FOXP1: variants seen among roughly 807,000 people sequenced by gnomAD.
FOXP1 encodes the protein forkhead box protein P1.
In FOXP1, 15 loss-of-function variants were observed where a neutral mutation model predicts 98.2. That is an observed-to-expected ratio of 0.15 (90% CI 0.10 to 0.24). The LOEUF (loss-of-function observed/expected upper bound fraction) is 0.24. FOXP1 is among the 10% of genes least tolerant of loss of function. FOXP1 has a pLI of 1.00. For missense variants in FOXP1, 633 were observed against 848.5 expected (o/e 0.75, Z 3.15); for synonymous variants, 371 against 314.5 (o/e 1.18, Z -1.90).
At chr3:71,542,884 G>A (rs555236179) in intron 2 of FOXP1, among the ~76,000 whole-genome samples, 1 of 152,336 alleles carries the variant, frequency 6.6e-6, no homozygotes, top group African/African-American at 2.4e-5. Context: ...AAGCATGGAG[G>A]CAAGAGTGGA....
chr3:71,092,652 C>A (rs956427774), intron 7 of FOXP1, among the ~76,000 whole-genome samples: 1 of 151,966 alleles, frequency 6.6e-6, no homozygotes, highest in African/African-American at 2.4e-5. Flanking sequence ...TAAGCCTGCA[C>A]AAATAAAAAT....
At chr3:71,323,094 C>A (rs998400591) in intron 4 of FOXP1, among the ~76,000 whole-genome samples, 3 of 152,000 alleles carry the variant, frequency 2.0e-5, no homozygotes, top group African/African-American at 7.3e-5. Context: ...CCTCAGCCTC[C>A]TGAGTAGCTG....
intron 11 of FOXP1, among the ~76,000 whole-genome samples, chr3:71,039,411 G>T (rs2048031606): frequency 1.3e-5 from 2 of 152,078 alleles, no homozygotes; most frequent in South Asian, 4.1e-4. Flanking sequence ...ACATGAAAAG[G>T]GCTATTCTTC....
At chr3:71,035,667 C>G (rs1036377514) in intron 11 of FOXP1, among the ~76,000 whole-genome samples, 11 of 152,030 alleles carry the variant, frequency 7.2e-5, no homozygotes, top group Non-Finnish European at 1.6e-4. Context: ...TGGAATTTGA[C>G]CACAGGTTCT....
At position 70,967,688 on chromosome 3, in the gene FOXP1, T is replaced by G. The variant is rs567561804; in HGVS notation, c.1723-1632A>C. On this transcript the variant is annotated intron_variant, in intron 19 of 20. Coordinates refer to ENST00000649528, the MANE Select transcript of FOXP1 (RefSeq NM_001349338.3). ...CAGTTGCCAGAACTACTATTATTTG[T>G]TTTTTTTTTTTGTTTTTTTTTGTTT... is the stretch of plus-strand genomic sequence containing the variant. 5.0e-4 allele frequency among the ~76,000 whole-genome samples: 27 copies of G among 53,808 alleles called. No homozygotes were observed. In the South Asian group the frequency reaches 9.6e-3, roughly 19 times the overall value. 35.3% of individuals were successfully genotyped at this position (53,808 alleles called of 152,430 possible). A position where few individuals can be genotyped will look rare whatever the true frequency, so the allele number is the denominator to read the frequency against.
At chr3:71,328,988 AAC>A (rs1491011149) in intron 4 of FOXP1, among the ~76,000 whole-genome samples, 3,953 of 42,618 alleles carry the variant, frequency 0.093, 609 homozygotes, top group East Asian at 0.33. Context: ...AAAAAAAAAA[AAC>A]AAAAAAAAAA....
intron 7 of FOXP1, among the ~76,000 whole-genome samples, chr3:71,066,070 C>T (rs1414708077): frequency 8.9e-6 from 1 of 112,270 alleles, no homozygotes; most frequent in African/African-American, 3.5e-5. Context: ...AGTGTGACAT[C>T]AATGAATGCC....
intron 5 of FOXP1, among the ~76,000 whole-genome samples, chr3:71,281,942 C>CAAA (rs34561352): frequency 1.0e-3 from 138 of 137,744 alleles, no homozygotes; most frequent in East Asian, 1.5e-3. Flanking sequence ...ACTAAAAATA[C>CAAA]AAAAAAAAAA....
At chr3:71,542,134 T>C (rs938669330) in intron 2 of FOXP1, 1 of 453,958 alleles carries the variant, frequency 2.2e-6, no homozygotes, top group South Asian at 1.6e-5. Context: ...ATTTACAAAA[T>C]GGCTCAACAA....
rs543947066 is a variant in FOXP1 at position 70,988,216 on chromosome 3, T to C, written c.1063-139A>G. 1.4e-4 allele frequency: 122 copies of C among 842,908 alleles called. No homozygotes were observed. In the African/African-American group the frequency reaches 1.9e-3, roughly 13 times the overall value. 52.2% of individuals were successfully genotyped at this position (842,908 alleles called of 1,614,324 possible). On this transcript the variant is annotated intron_variant, in intron 13 of 20. Transcript: ENST00000649528. ...ATTTTCATTGCTTGTTTTTGAAATC[T>C]ACATGACCATTGCCAAACTCGAAGT...
At chr3:71,065,392 G>A (rs981191430) in intron 7 of FOXP1, among the ~76,000 whole-genome samples, 2 of 152,200 alleles carry the variant, frequency 1.3e-5, no homozygotes, top group Non-Finnish European at 2.9e-5. Context: ...CGACTGCTCC[G>A]AGCAACTGTT....
rs188869620 is a variant in FOXP1, at chr3:71,428,280, T to C, written c.-168+65146A>G. Among the ~76,000 whole-genome samples, 13 of 152,344 alleles carry C rather than the reference T, an allele frequency of 8.5e-5. No individual in the cohort carries two copies. In the South Asian group the frequency reaches 2.5e-3, roughly 29 times the overall value. On this transcript the variant is annotated intron_variant, in intron 3 of 20. Transcript: ENST00000649528. ...TATTATGAAGCAATTCTGGAAACTG[T>C]GTCTCCTGCCCGCCTAACCTCCAAG...
chr3:71,269,501 T>C (rs1325854953), intron 5 of FOXP1, among the ~76,000 whole-genome samples: 1 of 152,198 alleles, frequency 6.6e-6, no homozygotes, highest in Admixed American at 6.5e-5. Flanking sequence ...GTTTCATTAC[T>C]GGCCTCCCCA....
intron 6 of FOXP1, among the ~76,000 whole-genome samples, chr3:71,153,150 G>A (rs967565558): frequency 4.6e-5 from 7 of 152,140 alleles, no homozygotes; most frequent in East Asian, 1.9e-4. Flanking sequence ...AGGGGTACCC[G>A]GCAATTGTGC....
At chr3:71,087,461 A>T (rs544564478) in intron 7 of FOXP1, among the ~76,000 whole-genome samples, 3 of 152,362 alleles carry the variant, frequency 2.0e-5, no homozygotes, top group Admixed American at 6.5e-5. Context: ...TCCTTGATGC[A>T]ACAAATAAGG....
At chr3:71,259,614 T>C (rs563085917) in intron 5 of FOXP1, among the ~76,000 whole-genome samples, 163 of 152,284 alleles carry the variant, frequency 1.1e-3, no homozygotes, top group Non-Finnish European at 1.0e-4. Flanking sequence ...TGATTTTTCA[T>C]AGACGAACTA....
At chr3:71,004,610 T>G (rs900791103) in intron 12 of FOXP1, among the ~76,000 whole-genome samples, 4 of 152,124 alleles carry the variant, frequency 2.6e-5, no homozygotes, top group Non-Finnish European at 4.4e-5. Flanking sequence ...ATACTTAACG[T>G]TGTGCACATT....
chr3:71,228,548 C>T (rs762384352), intron 5 of FOXP1, among the ~76,000 whole-genome samples: 6 of 152,096 alleles, frequency 3.9e-5, no homozygotes, highest in Non-Finnish European at 5.9e-5. Context: ...CATAAAGCAG[C>T]GCAATGACAA....
At chr3:71,017,339 G>C (rs1363535569) in intron 11 of FOXP1, among the ~76,000 whole-genome samples, 3 of 151,750 alleles carry the variant, frequency 2.0e-5, no homozygotes, top group African/African-American at 7.2e-5. Context: ...TATTCTAAGA[G>C]GGAAGAAAAT....
Sources: gnomAD v4.1 joint callset for allele counts (sites outside exome capture counted in the v4.1 genomes callset) on GRCh38, gnomAD v4.1.1 for gene constraint, MANE v1.5 for transcripts, NCBI Gene and HGNC (gene_info 2026-07-23, HGNC 2026-07-21) for gene names.